Variants in CHRNA5 observed in about 807,000 individuals in gnomAD.
CHRNA5 encodes the protein cholinergic receptor nicotinic alpha 5 subunit.
Under a neutral mutation model 41.2 loss-of-function variants are expected in CHRNA5, and 28 were observed. The ratio of observed to expected loss-of-function variants is 0.68; its 90% CI spans 0.50 to 0.93. The LOEUF (loss-of-function observed/expected upper bound fraction) is 0.93, where lower values mean the gene tolerates loss of function less well. CHRNA5 is among the 40% of genes least tolerant of loss of function. The probability of loss-of-function intolerance (pLI) is 0.00; values close to 1 mark genes in which losing one functional copy is unlikely to be tolerated. For synonymous variants in CHRNA5, 188 were observed against 205.8 expected, an observed-to-expected ratio of 0.91 and a Z score of 0.74; for missense variants, 481 against 581.9, an observed-to-expected ratio of 0.83 and a Z score of 1.78.
At chr15:78,570,020 A>G (rs1275403777) in intron 1 of CHRNA5, among the ~76,000 whole-genome samples, 1 of 149,576 alleles carries the variant, frequency 6.7e-6, no homozygotes, top group Non-Finnish European at 1.5e-5. Flanking sequence ...GGGTTTCTCC[A>G]TTTTGGCCAG....
At chr15:78,567,569 T>G (rs1655031405) in intron 1 of CHRNA5, among the ~76,000 whole-genome samples, 1 of 152,258 alleles carries the variant, frequency 6.6e-6, no homozygotes, top group African/African-American at 2.4e-5. Context: ...TCTCTCATAA[T>G]AACCATCTGG....
intron 2 of CHRNA5, 146 bp downstream of exon 2, chr15:78,581,108 G>T: frequency 1.5e-6 from 1 of 689,276 alleles, no homozygotes; most frequent in Non-Finnish European, 2.4e-6. Flanking sequence ...GAAAAGTAGT[G>T]ATTGTGTCAC....
intron 1 of CHRNA5, among the ~76,000 whole-genome samples, chr15:78,576,084 G>A (rs542036061): frequency 3.3e-5 from 5 of 152,256 alleles, no homozygotes; most frequent in African/African-American, 1.2e-4. Flanking sequence ...TCTCTGGGTT[G>A]TATATCCTTT....
At chr15:78,571,094 C>T (rs1472739) in intron 1 of CHRNA5, among the ~76,000 whole-genome samples, 6,010 of 152,270 alleles carry the variant, frequency 0.039, 361 homozygotes, top group African/African-American at 0.12. Context: ...AGAAGCAGGG[C>T]CTGAGACTCT....
chr15:78,582,446 C>G (rs2052921286), intron 2 of CHRNA5, among the ~76,000 whole-genome samples: 1 of 150,930 alleles, frequency 6.6e-6, no homozygotes, highest in Non-Finnish European at 1.5e-5. Context: ...GATTGCACCA[C>G]TGCACTCCAG....
At chr15:78,593,421 T>C in exon 6 of CHRNA5, 1 of 574,582 alleles carries the variant, frequency 1.7e-6, no homozygotes. Flanking sequence ...CAGTTGGCTG[T>C]ATGACTGAAG....
At chr15:78,577,317 G>C (rs1443093126) in intron 1 of CHRNA5, among the ~76,000 whole-genome samples, 3 of 152,178 alleles carry the variant, frequency 2.0e-5, no homozygotes, top group Non-Finnish European at 2.9e-5. Context: ...TTTGTGAACA[G>C]TGGAAACTTA....
chr15:78,575,350 T>C (rs1022244203), intron 1 of CHRNA5, among the ~76,000 whole-genome samples: 27 of 152,366 alleles, frequency 1.8e-4, no homozygotes, highest in Middle Eastern at 3.4e-3. Context: ...AGCTGTACTT[T>C]TAACTACTTT....
chr15:78,570,449 T>TTTTTTTTTC (rs1567050836), intron 1 of CHRNA5, among the ~76,000 whole-genome samples: 1 of 141,962 alleles, frequency 7.0e-6, no homozygotes, highest in Non-Finnish European at 1.5e-5. Context: ...TTTTTTTTTT[T>TTTTTTTTTC]AGTAAAGACA....
chr15:78,576,580 A>C (rs1200232220), intron 1 of CHRNA5, among the ~76,000 whole-genome samples: 1 of 152,028 alleles, frequency 6.6e-6, no homozygotes, highest in Non-Finnish European at 1.5e-5. Context: ...CCAAGAGTTC[A>C]AGACCAGCCT....
Position 78,570,424 on chromosome 15 carries a change from A to ATTTTTTTTTTTTTTTTTTTTTTTTT in CHRNA5, c.106+4600_106+4624dup, listed in dbSNP as rs71148540. ...CAGGCATGTGCCACCAATCCCGGCT[A>ATTTTTTTTTTTTTTTTTTTTTTTTT]TTTTTTTTTTTTTTTTTTTTTTTTT... is the stretch of plus-strand genomic sequence containing the variant. On this transcript the variant is annotated intron_variant, in intron 1 of 5. Transcript: ENST00000299565. 1.1e-4 allele frequency among the ~76,000 whole-genome samples: 7 copies of ATTTTTTTTTTTTTTTTTTTTTTTTT among 64,170 alleles called. 1 individual carries two copies. The highest frequency in any genetic ancestry group is 1.6e-3 in the East Asian group (2 of 1,252). 42.1% of individuals were successfully genotyped at this position (64,170 alleles called of 152,430 possible).
chr15:78,567,250 C>T (rs532162264), intron 1 of CHRNA5, among the ~76,000 whole-genome samples: 1 of 131,676 alleles, frequency 7.6e-6, no homozygotes, highest in Admixed American at 7.5e-5. Flanking sequence ...GAGACTCCGT[C>T]TCAAAAAAAA....
intron 1 of CHRNA5, among the ~76,000 whole-genome samples, chr15:78,578,580 TGAG>T (rs1294582420): frequency 1.3e-5 from 2 of 152,172 alleles, no homozygotes; most frequent in African/African-American, 4.8e-5. Context: ...CACAAACTCT[TGAG>T]GAGTAGGTTA....
At chr15:78,577,098 G>C (rs1820229548) in intron 1 of CHRNA5, among the ~76,000 whole-genome samples, 1 of 152,210 alleles carries the variant, frequency 6.6e-6, no homozygotes, top group Non-Finnish European at 1.5e-5. Context: ...ATGTGGGCTA[G>C]AGCTATCGGG....
exon 6 of CHRNA5, chr15:78,595,200 T>C: frequency 1.3e-6 from 1 of 768,042 alleles, no homozygotes; most frequent in African/African-American, 1.9e-5. Context: ...TTAGTTCGTA[T>C]ACATCCCTGA....
In CHRNA5 at chr15:78,588,338, T is replaced by A. The variant is rs1393443224; in HGVS notation, c.328T>A (p.Trp110Arg). 6 of 1,587,468 alleles carry A rather than the reference T, an allele frequency of 3.8e-6. No individual in the cohort carries two copies. The highest frequency in any genetic ancestry group is 5.2e-6 in the Non-Finnish European group (6 of 1,162,882). Reference sequence around the variant, plus strand: ...GGAATGGATAGATGTAAAATTAAGATGGAACCCTGATGACTATGGTGGAAT... The same window carrying A: ...GGAATGGATAGATGTAAAATTAAGAAGGAACCCTGATGACTATGGTGGAAT... Residue 110 changes from tryptophan (W) to arginine (R), a missense_variant, in exon 4 of 6, where the codon TGG becomes AGG. Trp to Arg is a moderately radical substitution (Grantham distance 101). Coordinates refer to ENST00000299565, the Ensembl canonical transcript of CHRNA5. The surrounding 1 kb of genome is among the most constrained non-coding windows in gnomAD (Gnocchi z 4.1).
intron 1 of CHRNA5, among the ~76,000 whole-genome samples, chr15:78,569,392 T>G (rs935915992): frequency 2.0e-5 from 3 of 152,142 alleles, no homozygotes; most frequent in African/African-American, 4.8e-5. Context: ...AGTTCACTAT[T>G]AAATAAGCAT....
rs150001417 is a variant in CHRNA5, at chr15:78,588,710, C to A, written c.413+287C>A. On this transcript the variant is annotated intron_variant, in intron 4 of 5. Transcript: ENST00000299565. The surrounding 1 kb of genome is among the most constrained non-coding windows in gnomAD (Gnocchi z 4.1). ...TTGTTTTACTAGACTACATATTTGGCAGACTTCTAGATTTTTTTGTATGTT... is the reference window on the plus strand; with the variant it reads ...TTGTTTTACTAGACTACATATTTGGAAGACTTCTAGATTTTTTTGTATGTT... Among the ~76,000 whole-genome samples, 114 of 152,244 alleles carry A rather than the reference C, an allele frequency of 7.5e-4. 1 individual carries two copies. The highest frequency in any genetic ancestry group is 2.6e-3 in the African/African-American group (108 of 41,552).
exon 1 of CHRNA5, chr15:78,565,772 A>G: frequency 1.6e-6 from 2 of 1,217,262 alleles, no homozygotes; most frequent in Non-Finnish European, 2.0e-6. Flanking sequence ...CTCTTGGTCC[A>G]GCTGGTCGCG....
Sources: gnomAD v4.1 joint callset for allele counts (sites outside exome capture counted in the v4.1 genomes callset) on GRCh38, gnomAD v4.1.1 for gene constraint, Gnocchi (gnomAD v3.1) non-coding constraint, MANE v1.5 for transcripts, NCBI Gene and HGNC (gene_info 2026-07-23, HGNC 2026-07-21) for gene names.